ZSCAN25: variants seen among roughly 807,000 people sequenced by gnomAD.
ZSCAN25 encodes zinc finger and SCAN domain-containing protein 25.
ZSCAN25 carries 27 observed loss-of-function variants against 38.7 expected under a neutral mutation model. That is an observed-to-expected ratio of 0.70 (90% CI 0.51 to 0.96). The LOEUF is 0.96. ZSCAN25 is among the 40% of genes least tolerant of loss of function. ZSCAN25 has a pLI of 0.00. For synonymous variants in ZSCAN25, 273 were observed against 277.7 expected (o/e 0.98, Z 0.17); for missense variants, 637 against 705.9 (o/e 0.90, Z 1.11).
chr7:99,692,861 G>T, the ZSCAN25 span, among the ~76,000 whole-genome samples: 3 of 152,128 alleles, frequency 2.0e-5, no homozygotes, highest in Non-Finnish European at 4.4e-5. Flanking sequence ...GCTCGGATAA[G>T]TTTGCTAATA....
At chr7:99,699,936 G>A in the ZSCAN25 span, 2 of 1,490,604 alleles carry the variant, frequency 1.3e-6, no homozygotes, top group Non-Finnish European at 1.9e-6. Context: ...CAAGTTAACA[G>A]AGGAGAGGAA....
At chr7:99,617,720 A>G (rs2151243053) in intron 1 of ZSCAN25, among the ~76,000 whole-genome samples, 1 of 152,358 alleles carries the variant, frequency 6.6e-6, no homozygotes, top group Admixed American at 6.5e-5. Flanking sequence ...CTGGGGTGAT[A>G]AAACCCTGAG....
At chr7:99,652,428 T>G in the ZSCAN25 span, 7 of 674,666 alleles carry the variant, frequency 1.0e-5, no homozygotes, top group Non-Finnish European at 1.7e-5. Flanking sequence ...ATCACTTTTT[T>G]GTGATAAAAA....
At chr7:99,653,460 A>AATAC in the ZSCAN25 span, among the ~76,000 whole-genome samples, 1 of 151,540 alleles carries the variant, frequency 6.6e-6, no homozygotes, top group Non-Finnish European at 1.5e-5. This position sits in a 1 kb window ranked among gnomAD's most constrained non-coding sequence, Gnocchi z 4.2. Context: ...CAAATAAATA[A>AATAC]ATAAATAAAT....
the ZSCAN25 span, chr7:99,730,744 C>T: frequency 6.1e-6 from 2 of 327,404 alleles, no homozygotes; most frequent in Non-Finnish European, 1.2e-5. Flanking sequence ...ATGGCTGTAC[C>T]TTCCTGGGAA....
downstream of ZSCAN25, among the ~76,000 whole-genome samples, chr7:99,633,507 C>G (rs915085781): frequency 2.6e-5 from 4 of 152,188 alleles, no homozygotes; most frequent in Non-Finnish European, 4.4e-5. Flanking sequence ...GAGCTAGTTA[C>G]TTTTTGCTTC....
At chr7:99,711,198 A>G in the ZSCAN25 span, among the ~76,000 whole-genome samples, 4 of 152,166 alleles carry the variant, frequency 2.6e-5, no homozygotes, top group Non-Finnish European at 5.9e-5. Flanking sequence ...TAACATACTC[A>G]GTGTCATGGT....
chr7:99,671,115 ATTTGTGTGTGTGTGTGTG>A, the ZSCAN25 span: 9 of 115,544 alleles, frequency 7.8e-5, no homozygotes, highest in South Asian at 3.0e-4. Flanking sequence ...TACACAGACC[ATTTGTGTGTGTGTGTGTG>A]TGTGTGTGTG....
the ZSCAN25 span, chr7:99,715,719 A>G: frequency 6.2e-7 from 1 of 1,613,038 alleles, no homozygotes; most frequent in East Asian, 2.2e-5. Flanking sequence ...AGTTATTTTT[A>G]AGAGAGAGGG....
the ZSCAN25 span, among the ~76,000 whole-genome samples, chr7:99,646,833 CACACAT>C: frequency 2.6e-4 from 39 of 151,070 alleles, no homozygotes; most frequent in African/African-American, 8.8e-4. Flanking sequence ...CACACACACA[CACACAT>C]GCATGCTCAC....
the ZSCAN25 span, among the ~76,000 whole-genome samples, chr7:99,653,872 C>T: frequency 1.3e-5 from 2 of 152,130 alleles, no homozygotes; most frequent in Admixed American, 1.3e-4. The surrounding 1 kb of genome is among the most constrained non-coding windows in gnomAD (Gnocchi z 4.2). Context: ...AGTCAGATAC[C>T]CTGGTTCCTA....
chr7:99,630,095 G>T lies in ZSCAN25; in HGVS notation c.*75G>T. 1 of 1,447,464 alleles carries T rather than the reference G, an allele frequency of 6.9e-7. No individual in the cohort carries two copies. Among genetic ancestry groups the T allele is most frequent in the Non-Finnish European group, 9.1e-7 (1 of 1,101,494 alleles). 89.7% of individuals were successfully genotyped at this position (1,447,464 alleles called of 1,614,324 possible). A position where few individuals can be genotyped will look rare whatever the true frequency, so the allele number is the denominator to read the frequency against. ...CCTTGCGGGGTGCAAGGTGATGGCTGCAGGAAAGCACTGGTCCCATCGCCT... is the reference window on the plus strand; with the variant it reads ...CCTTGCGGGGTGCAAGGTGATGGCTTCAGGAAAGCACTGGTCCCATCGCCT... On this transcript the variant is annotated 3_prime_UTR_variant, in exon 8 of 8. Transcript: ENST00000394152.
chr7:99,647,362 G>C, the ZSCAN25 span: 1 of 419,540 alleles, frequency 2.4e-6, no homozygotes, highest in Non-Finnish European at 3.2e-6. Context: ...CCACCTAATG[G>C]CTTTAGTATT....
the ZSCAN25 span, among the ~76,000 whole-genome samples, chr7:99,666,339 T>C: frequency 6.6e-6 from 1 of 152,226 alleles, no homozygotes; most frequent in Non-Finnish European, 1.5e-5. Context: ...AAAGTATGTA[T>C]TTAATCTCCC....
intron 7 of ZSCAN25, 29 bp downstream of exon 7, chr7:99,624,209 A>G: frequency 6.2e-7 from 1 of 1,612,554 alleles, no homozygotes; most frequent in South Asian, 1.1e-5. Context: ...ACAGGTGAGG[A>G]ACTGGGGAGT....
chr7:99,646,797 T>TACACACACACACACACACAC, the ZSCAN25 span, among the ~76,000 whole-genome samples: 5 of 142,080 alleles, frequency 3.5e-5, no homozygotes, highest in Admixed American at 2.8e-4. Context: ...ATATGTTTTA[T>TACACACACACACACACACAC]ACACACACAC....
intron 7 of ZSCAN25, among the ~76,000 whole-genome samples, chr7:99,624,937 G>T (rs1233299815): frequency 6.6e-6 from 1 of 152,196 alleles, no homozygotes; most frequent in African/African-American, 2.4e-5. Flanking sequence ...GGAGCGGCCT[G>T]TCCTTGTTCT....
chr7:99,710,635 A>G, the ZSCAN25 span: 4 of 1,593,098 alleles, frequency 2.5e-6, no homozygotes, highest in African/African-American at 5.4e-5. Flanking sequence ...AACAATCATG[A>G]TTATGCTTTT....
chr7:99,619,787 A>T lies in ZSCAN25; in HGVS notation c.181A>T (p.Arg61Trp). The change falls in exon 4 of 8, where the codon AGG becomes TGG. Residue 61 changes from arginine (R) to tryptophan (W), a missense_variant. By Grantham distance (101) the Arg-to-Trp change is moderately radical (BLOSUM62 -3). Coordinates refer to ENST00000394152, the MANE Select transcript of ZSCAN25 (RefSeq NM_145115.3). Reference sequence around the variant, plus strand: ...GGCAGCTGGACCCCAGGAAGCTCTTAGGGAGCTCCAGGAGCTCTGTCGTCG... The same window carrying T: ...GGCAGCTGGACCCCAGGAAGCTCTTTGGGAGCTCCAGGAGCTCTGTCGTCG... The part of the protein sequence containing the change: ...QEAAGPQEAL[R>W]ELQELCRRWL... 6.2e-7 allele frequency: 1 copy of T among 1,614,234 alleles called. No homozygotes were observed.
Sources: gnomAD v4.1 joint callset for allele counts (sites outside exome capture counted in the v4.1 genomes callset) on GRCh38, gnomAD v4.1.1 for gene constraint, Gnocchi (gnomAD v3.1) non-coding constraint, MANE v1.5 for transcripts, NCBI Gene and HGNC (gene_info 2026-07-23, HGNC 2026-07-21) for gene names.